BRD3: variants seen among roughly 807,000 people sequenced by gnomAD.
The protein encoded by BRD3 is bromodomain containing 3, also known as bromodomain-containing protein 3.
Under a neutral mutation model 66.8 loss-of-function variants are expected in BRD3, and 17 were observed. The observed-to-expected ratio is 0.25, with a 90% confidence interval of 0.17 to 0.38. The LOEUF (loss-of-function observed/expected upper bound fraction) is 0.38, where lower values mean the gene tolerates loss of function less well. Ranked by LOEUF, BRD3 falls within the 10% of genes least tolerant of loss-of-function variation. BRD3 has a pLI of 1.00. For synonymous variants in BRD3, 421 were observed against 393.2 expected (o/e 1.07, Z -0.84); for missense variants, 713 against 956.1 (o/e 0.75, Z 3.35).
intron 8 of BRD3, among the ~76,000 whole-genome samples, chr9:134,040,596 T>A (rs1830023507): frequency 6.6e-6 from 1 of 152,242 alleles, no homozygotes; most frequent in African/African-American, 2.4e-5. Context: ...AGTTCGGGGA[T>A]ACATGTGCAG....
rs1350956532 is a variant in BRD3, at chr9:134,045,046, C to T, written c.1215+247G>A. Among the ~76,000 whole-genome samples, 1 of 152,152 alleles carries T rather than the reference C, an allele frequency of 6.6e-6. No individual in the cohort carries two copies. Among genetic ancestry groups the T allele is most frequent in the African/African-American group, 2.4e-5 (1 of 41,440 alleles). On this transcript the variant is annotated intron_variant, in intron 7 of 11. Transcript: ENST00000303407. This position sits in a 1 kb window ranked among gnomAD's most constrained non-coding sequence, Gnocchi z 4.8. Reference sequence around the variant, plus strand: ...CCCTGGAGGGAAAGACTCACTACTGCGACACCCCCACAGAGCCCCAGTGGT... The same window carrying T: ...CCCTGGAGGGAAAGACTCACTACTGTGACACCCCCACAGAGCCCCAGTGGT...
chr9:134,036,498 G>A (rs1248906202), intron 9 of BRD3, 174 bp from the exon 10 acceptor site: 5 of 1,589,206 alleles, frequency 3.1e-6, no homozygotes, highest in Non-Finnish European at 4.3e-6. Context: ...CCCAGCTGCG[G>A]GGTTTCCAGC....
At chr9:134,034,480 C>T (rs756904548) in intron 11 of BRD3, 7 of 621,674 alleles carry the variant, frequency 1.1e-5, no homozygotes, top group East Asian at 3.0e-5. Flanking sequence ...GCTGTGTTCA[C>T]ACACACTTGA....
chr9:134,034,618 T>C (rs1284574634), intron 11 of BRD3, 83 bp downstream of exon 11: 7 of 1,558,788 alleles, frequency 4.5e-6, no homozygotes, highest in Non-Finnish European at 6.1e-6. Context: ...CACTCAGACG[T>C]GGGCCTGCTC....
chr9:134,051,837 AAATG>A, intron 3 of BRD3, 128 bp from the exon 4 acceptor site: 1 of 905,926 alleles, frequency 1.1e-6, no homozygotes, highest in South Asian at 1.7e-5. Flanking sequence ...GGAGAGAACA[AAATG>A]AATATATGTG....
chr9:134,043,846 A>C (rs992435247), intron 7 of BRD3, among the ~76,000 whole-genome samples: 3 of 152,072 alleles, frequency 2.0e-5, no homozygotes, highest in East Asian at 3.9e-4. Flanking sequence ...ACACACCACC[A>C]CACCTGACTC....
intron 8 of BRD3, among the ~76,000 whole-genome samples, chr9:134,040,495 C>A (rs569071146): frequency 3.3e-5 from 5 of 152,354 alleles, no homozygotes; most frequent in African/African-American, 1.2e-4. Context: ...TGGGGAAGAG[C>A]TGCCTGGCCA....
At chr9:134,043,886 G>A (rs392134) in intron 7 of BRD3, among the ~76,000 whole-genome samples, 38,025 of 152,006 alleles carry the variant, frequency 0.25, 6,030 homozygotes, top group East Asian at 0.63. Context: ...GAGACAGCTC[G>A]TCTCAAACTC....
intron 1 of BRD3, chr9:134,057,801 A>G (rs1830456730): frequency 6.6e-6 from 1 of 152,574 alleles, no homozygotes; most frequent in East Asian, 1.9e-4. Context: ...CCCCACCCTC[A>G]ACGGCCAGCA....
rs771882425 is a variant in BRD3, at chr9:134,053,443, A to G, written c.35T>C (p.Ile12Thr). Residue 12 changes from isoleucine (I) to threonine (T), a missense_variant, in exon 2 of 12, where the codon ATC becomes ACC. By Grantham distance (89) the Ile-to-Thr change is moderately conservative. Around this residue, in one of 5 missense-constraint regions of BRD3, gnomAD observed 48 missense variants for 42.5 expected, o/e 1.13. Coordinates refer to ENST00000303407, the MANE Select transcript of BRD3 (RefSeq NM_007371.4). Reference protein sequence around the residue: ...STATTVAPAGIPATPGPVNPP... With the variant: ...STATTVAPAGTPATPGPVNPP... The stretch of plus-strand genomic sequence containing the variant: ...GTTCACAGGGCCCGGGGTCGCCGGG[A>G]TCCCCGCGGGGGCGACTGTCGTGGC... 1 of 1,609,458 alleles carries G rather than the reference A, an allele frequency of 6.2e-7. No individual in the cohort carries two copies. The highest frequency in any genetic ancestry group is 1.1e-5 in the South Asian group (1 of 90,968).
At chr9:134,047,774 T>C (rs1830206057) in intron 6 of BRD3, among the ~76,000 whole-genome samples, 1 of 152,152 alleles carries the variant, frequency 6.6e-6, no homozygotes, top group African/African-American at 2.4e-5. Context: ...GTGGCCCAGC[T>C]CTAGGGACCC....
chr9:134,038,588 C>A (rs545830220), intron 9 of BRD3, among the ~76,000 whole-genome samples: 7 of 152,244 alleles, frequency 4.6e-5, no homozygotes, highest in African/African-American at 1.7e-4. Context: ...CCACACCAGG[C>A]TGCAACTCAT....
In BRD3 at chr9:134,032,468, G is replaced by C; in HGVS notation, c.*1122C>G. ...AAAAAAAAAAAAAAAAAACCACAAA[G>C]AAAAAAACCAAAAAACCCAACAAAC... On this transcript the variant is annotated 3_prime_UTR_variant, in exon 12 of 12. Transcript: ENST00000303407. 5.6e-6 allele frequency: 1 copy of C among 178,546 alleles called. No homozygotes were observed. The highest frequency in any genetic ancestry group is 1.1e-5 in the Non-Finnish European group (1 of 90,776). 11.1% of individuals were successfully genotyped at this position (178,546 alleles called of 1,614,324 possible).
chr9:134,038,225 G>T (rs531799811), intron 9 of BRD3, among the ~76,000 whole-genome samples: 6 of 152,096 alleles, frequency 3.9e-5, no homozygotes, highest in Non-Finnish European at 8.8e-5. Context: ...TGTGATCTCG[G>T]CTCACTGCAA....
rs1056013068 is a variant in BRD3, at chr9:134,051,445, G to A, written c.499+117C>T. On this transcript the variant is annotated intron_variant, in intron 4 of 11. Coordinates refer to ENST00000303407, the MANE Select transcript of BRD3 (RefSeq NM_007371.4). ...CACTCATCCAAGACCCGGCACCCAC[G>A]AGCTCGTCACGACAGATGGGAAACA... The A allele has an allele frequency of 2.2e-5, 25 of 1,131,756 alleles. No individual in the cohort carries two copies. The African/African-American group carries it at 3.3e-4, about 15-fold the overall frequency. The allele number at this position is 1,131,756 out of a possible 1,614,324, so 70.1% of individuals were successfully genotyped here. A position where few individuals can be genotyped will look rare whatever the true frequency, so the allele number is the denominator to read the frequency against.
rs573215664 is a variant in BRD3, at chr9:134,032,840, CTT to C, written c.*748_*749del. ...TGCCGAACCTTACAAAAAAAGTCTC[CTT>C]TTTTTTTTTTTTTAAATCTTTTCTT... On this transcript the variant is annotated 3_prime_UTR_variant, in exon 12 of 12. Coordinates refer to ENST00000303407, the MANE Select transcript of BRD3 (RefSeq NM_007371.4). The C allele has an allele frequency of 9.2e-4, 197 of 214,076 alleles. No individual in the cohort carries two copies. Among genetic ancestry groups the C allele is most frequent in the Middle Eastern group, 1.3e-3 (1 of 788 alleles). The allele number at this position is 214,076 out of a possible 1,614,324, so 13.3% of individuals were successfully genotyped here.
upstream of BRD3, chr9:134,068,487 C>G (rs1004488271): frequency 6.6e-6 from 1 of 150,582 alleles, no homozygotes; most frequent in African/African-American, 2.4e-5. Flanking sequence ...CGGCGCGCAC[C>G]TGCCGGGAGC....
In BRD3 at chr9:134,031,484, G is replaced by C; in HGVS notation, c.*2106C>G. The stretch of plus-strand genomic sequence containing the variant: ...AAATAGTCCATTAAAGATCTGTTTA[G>C]AAAATACCTTTGAAAACGAGGGTAA... On this transcript the variant is annotated 3_prime_UTR_variant, in exon 12 of 12. Coordinates refer to ENST00000303407, the MANE Select transcript of BRD3 (RefSeq NM_007371.4). 5.6e-6 allele frequency: 1 copy of C among 177,250 alleles called. No individual in the cohort carries two copies. Among genetic ancestry groups the C allele is most frequent in the Non-Finnish European group, 1.1e-5 (1 of 92,774 alleles). The allele number at this position is 177,250 out of a possible 1,614,324, so 11.0% of individuals were successfully genotyped here.
At chr9:134,050,276 A>T in intron 5 of BRD3, 98 bp downstream of exon 5, 1 of 1,108,644 alleles carries the variant, frequency 9.0e-7, no homozygotes, top group Non-Finnish European at 1.3e-6. Flanking sequence ...GCCAGCACTC[A>T]GGGAAAGGTG....
Sources: allele counts gnomAD v4.1 joint callset (sites outside exome capture counted in the v4.1 genomes callset), GRCh38; gene constraint gnomAD v4.1.1; regional missense constraint gnomAD v4.1.1; non-coding constraint Gnocchi (gnomAD v3.1); transcripts MANE v1.5; gene names NCBI Gene and HGNC (gene_info 2026-07-23, HGNC 2026-07-21).